Variants in KCND2 observed in about 807,000 individuals in gnomAD.
KCND2 encodes A-type voltage-gated potassium channel KCND2.
In KCND2, 16 loss-of-function variants were observed where a neutral mutation model predicts 54.4. The observed-to-expected ratio is 0.29, with a 90% CI of 0.20 to 0.45. The LOEUF (loss-of-function observed/expected upper bound fraction) is 0.45, where lower values mean the gene tolerates loss of function less well. Among genes scored for constraint, KCND2 ranks in the 20% least tolerant of loss-of-function variants. The pLI is 1.00. For missense variants in KCND2, 486 were observed against 824.2 expected, an observed-to-expected ratio of 0.59 and a Z score of 5.02; for synonymous variants, 317 against 310.7, an observed-to-expected ratio of 1.02 and a Z score of -0.21.
chr7:120,524,897 A>G (rs1791754680), intron 1 of KCND2, among the ~76,000 whole-genome samples: 3 of 152,146 alleles, frequency 2.0e-5, no homozygotes, highest in South Asian at 2.1e-4. Context: ...TAGGAAAGAT[A>G]TTTTACACCA....
chr7:120,338,906 G>A (rs375031511), intron 1 of KCND2, among the ~76,000 whole-genome samples: 1 of 151,666 alleles, frequency 6.6e-6, no homozygotes, highest in East Asian at 1.9e-4. Flanking sequence ...TTGAGACAGA[G>A]TCTCACTCTG....
chr7:120,712,241 A>ATTTTTTTTTTTTTTTTTTTTTTTTT lies in KCND2; in HGVS notation c.1116-20646_1116-20622dup, dbSNP rs869059871. The stretch of plus-strand genomic sequence containing the variant: ...TTTTCTTTGAATTTTGGATATCTGA[A>ATTTTTTTTTTTTTTTTTTTTTTTTT]TTTTTTTTTTTTTTTTTTTTTTTTT... On this transcript the variant is annotated intron_variant, in intron 1 of 5. Coordinates refer to ENST00000331113, the MANE Select transcript of KCND2 (RefSeq NM_012281.3). Among the ~76,000 whole-genome samples the ATTTTTTTTTTTTTTTTTTTTTTTTT allele has an allele frequency of 8.6e-5, 3 of 34,762 alleles. 1 individual carries two copies. The highest frequency in any genetic ancestry group is 1.2e-4 in the African/African-American group (1 of 8,256). The allele number at this position is 34,762 out of a possible 152,430, so 22.8% of individuals were successfully genotyped here. A position where few individuals can be genotyped will look rare whatever the true frequency, so the allele number is the denominator to read the frequency against.
At chr7:120,444,865 A>G (rs1356447688) in intron 1 of KCND2, among the ~76,000 whole-genome samples, 3 of 152,126 alleles carry the variant, frequency 2.0e-5, no homozygotes, top group African/African-American at 7.2e-5. Context: ...TCCCATTAAC[A>G]TCAATGAAAT....
At chr7:120,319,835 A>C (rs1472047233) in intron 1 of KCND2, among the ~76,000 whole-genome samples, 1 of 152,044 alleles carries the variant, frequency 6.6e-6, no homozygotes, top group Non-Finnish European at 1.5e-5. Flanking sequence ...TCAATATTAT[A>C]TTTTATGTTT....
chr7:120,498,063 T>C (rs1416099470), intron 1 of KCND2, among the ~76,000 whole-genome samples: 1 of 152,228 alleles, frequency 6.6e-6, no homozygotes, highest in Non-Finnish European at 1.5e-5. Context: ...TTAAAAGAGA[T>C]ATCCATTTAT....
At chr7:120,299,355 A>C (rs1209907314) in intron 1 of KCND2, among the ~76,000 whole-genome samples, 2 of 152,114 alleles carry the variant, frequency 1.3e-5, no homozygotes, top group African/African-American at 4.8e-5. Flanking sequence ...TATTGTTACC[A>C]GATTTTCACC....
intron 1 of KCND2, among the ~76,000 whole-genome samples, chr7:120,562,626 T>C (rs1364953606): frequency 6.6e-6 from 1 of 152,176 alleles, no homozygotes; most frequent in Non-Finnish European, 1.5e-5. Context: ...CAAGTTGATA[T>C]CTCACTTTTA....
chr7:120,661,945 CTT>C (rs1297138549), intron 1 of KCND2, among the ~76,000 whole-genome samples: 1 of 152,188 alleles, frequency 6.6e-6, no homozygotes, highest in African/African-American at 2.4e-5. Flanking sequence ...TGAGCCTCCC[CTT>C]TTTCTTCCTG....
intron 1 of KCND2, among the ~76,000 whole-genome samples, chr7:120,428,946 C>G (rs1245214742): frequency 6.6e-6 from 1 of 152,128 alleles, no homozygotes; most frequent in Non-Finnish European, 1.5e-5. Flanking sequence ...TTTTCCATCA[C>G]AAAACCCCAA....
intron 1 of KCND2, among the ~76,000 whole-genome samples, chr7:120,535,410 G>T (rs759097588): frequency 6.6e-5 from 10 of 152,172 alleles, no homozygotes; most frequent in African/African-American, 2.4e-4. Flanking sequence ...TAGGTGTTTC[G>T]TGGCAACATT....
chr7:120,397,142 G>A (rs1801166532), intron 1 of KCND2, among the ~76,000 whole-genome samples: 1 of 151,920 alleles, frequency 6.6e-6, no homozygotes, highest in Non-Finnish European at 1.5e-5. Flanking sequence ...CCTGCACTAG[G>A]ATGAAAGAGA....
chr7:120,570,814 T>A (rs1021671078), intron 1 of KCND2, among the ~76,000 whole-genome samples: 1 of 152,180 alleles, frequency 6.6e-6, no homozygotes, highest in Non-Finnish European at 1.5e-5. Context: ...CTCACAAACA[T>A]AACACCACCA....
intron 1 of KCND2, among the ~76,000 whole-genome samples, chr7:120,564,220 G>C (rs902281043): frequency 6.6e-6 from 1 of 152,138 alleles, no homozygotes; most frequent in Non-Finnish European, 1.5e-5. Flanking sequence ...TGAAATTTTT[G>C]TAGTAATGAT....
chr7:120,570,999 T>A (rs1172457639), intron 1 of KCND2, among the ~76,000 whole-genome samples: 1 of 152,226 alleles, frequency 6.6e-6, no homozygotes, highest in Non-Finnish European at 1.5e-5. Context: ...GAGGAGACCC[T>A]GCACGCTGCT....
Position 120,742,314 on chromosome 7 carries a change from C to T in KCND2, c.1375-196C>T, listed in dbSNP as rs58017683. ...AATTCAAGGAGGCATGTCTAAAAGACCAGACCATTCATTTGATGAAATTGT... is the reference window on the plus strand; with the variant it reads ...AATTCAAGGAGGCATGTCTAAAAGATCAGACCATTCATTTGATGAAATTGT... On this transcript the variant is annotated intron_variant, in intron 3 of 5. Coordinates refer to ENST00000331113, the MANE Select transcript of KCND2 (RefSeq NM_012281.3). 7,921 of 582,946 alleles carry T rather than the reference C, an allele frequency of 0.014. 419 individuals carry two copies. The highest frequency in any genetic ancestry group is 0.12 in the African/African-American group (6,526 of 53,508). The allele number at this position is 582,946 out of a possible 1,614,324, so 36.1% of individuals were successfully genotyped here.
intron 1 of KCND2, among the ~76,000 whole-genome samples, chr7:120,654,624 C>T (rs1249199189): frequency 2.6e-5 from 4 of 152,086 alleles, no homozygotes; most frequent in Non-Finnish European, 5.9e-5. Flanking sequence ...AAATTTTATG[C>T]ATTGTATATG....
intron 1 of KCND2, among the ~76,000 whole-genome samples, chr7:120,494,000 G>C (rs1393758105): frequency 6.6e-6 from 1 of 151,982 alleles, no homozygotes; most frequent in Non-Finnish European, 1.5e-5. Context: ...AAATGGTAAA[G>C]TCATAAATAA....
chr7:120,502,405 A>C (rs1802950114), intron 1 of KCND2, among the ~76,000 whole-genome samples: 1 of 152,028 alleles, frequency 6.6e-6, no homozygotes, highest in Non-Finnish European at 1.5e-5. Context: ...AGTTTTTACT[A>C]GACTGGCAAG....
chr7:120,311,862 C>T (rs1799740089), intron 1 of KCND2, among the ~76,000 whole-genome samples: 1 of 152,040 alleles, frequency 6.6e-6, no homozygotes, highest in Non-Finnish European at 1.5e-5. Flanking sequence ...GGATAATGGC[C>T]TCTAGCTCCA....
Sources: allele counts gnomAD v4.1 joint callset (sites outside exome capture counted in the v4.1 genomes callset), GRCh38; gene constraint gnomAD v4.1.1; transcripts MANE v1.5; gene names NCBI Gene and HGNC (gene_info 2026-07-23, HGNC 2026-07-21).